FSTL5: variants seen among roughly 807,000 people sequenced by gnomAD.
The protein encoded by FSTL5 is follistatin-related protein 5.
Under a neutral mutation model 89.1 loss-of-function variants are expected in FSTL5, and 62 were observed. The observed-to-expected ratio is 0.70, with a 90% CI of 0.57 to 0.86. FSTL5 has a LOEUF of 0.86. Ranked by LOEUF, FSTL5 falls within the 40% of genes least tolerant of loss-of-function variation. The probability of loss-of-function intolerance (pLI) is 0.00; values close to 1 mark genes in which losing one functional copy is unlikely to be tolerated. For missense variants in FSTL5, 1,057 were observed against 1,001.6 expected (o/e 1.06, Z -0.75); for synonymous variants, 383 against 346.2 (o/e 1.11, Z -1.18).
chr4:161,657,258 T>C (rs192206766), intron 6 of FSTL5, among the ~76,000 whole-genome samples: 26 of 152,342 alleles, frequency 1.7e-4, no homozygotes, highest in Non-Finnish European at 2.9e-4. Context: ...TCAATTTTCA[T>C]GAGAGATGAC....
intron 1 of FSTL5, among the ~76,000 whole-genome samples, chr4:162,158,109 G>A (rs1561051549): frequency 6.6e-6 from 1 of 152,004 alleles, no homozygotes; most frequent in Non-Finnish European, 1.5e-5. Context: ...GTAATCTGAA[G>A]GATTACGTAT....
intron 15 of FSTL5, among the ~76,000 whole-genome samples, chr4:161,405,048 T>C (rs898690292): frequency 2.6e-5 from 4 of 151,946 alleles, no homozygotes; most frequent in African/African-American, 9.7e-5. Context: ...CTGACCAACA[T>C]GGTGAAACCC....
chr4:161,865,561 A>G (rs1448990229), intron 4 of FSTL5, among the ~76,000 whole-genome samples: 2 of 152,204 alleles, frequency 1.3e-5, no homozygotes, highest in Non-Finnish European at 2.9e-5. Flanking sequence ...GATGTCAGAA[A>G]AATCATGATA....
At chr4:162,040,407 T>C (rs181408873) in intron 2 of FSTL5, among the ~76,000 whole-genome samples, 1 of 152,164 alleles carries the variant, frequency 6.6e-6, no homozygotes, top group African/African-American at 2.4e-5. Flanking sequence ...TGAATACTCA[T>C]GAACATGTGA....
chr4:161,629,385 C>G (rs1163444213), intron 7 of FSTL5, among the ~76,000 whole-genome samples: 7 of 152,092 alleles, frequency 4.6e-5, no homozygotes, highest in Non-Finnish European at 1.0e-4. Flanking sequence ...TCTTGTCACC[C>G]AGGCTGGAGT....
At chr4:161,579,483 C>T (rs931689395) in intron 8 of FSTL5, among the ~76,000 whole-genome samples, 4 of 151,826 alleles carry the variant, frequency 2.6e-5, no homozygotes, top group Admixed American at 2.0e-4. Flanking sequence ...TTTGGGAAGC[C>T]GAGGTGGGCA....
intron 10 of FSTL5, among the ~76,000 whole-genome samples, chr4:161,514,438 A>G (rs1349162637): frequency 1.3e-5 from 2 of 152,174 alleles, no homozygotes; most frequent in Non-Finnish European, 2.9e-5. Context: ...CATGGACATA[A>G]AAAAGAAACA....
At chr4:162,006,528 A>T (rs1033776205) in intron 3 of FSTL5, among the ~76,000 whole-genome samples, 28 of 152,054 alleles carry the variant, frequency 1.8e-4, no homozygotes, top group Non-Finnish European at 1.5e-4. Context: ...AGGTAAAACA[A>T]ATTTGTCATT....
intron 15 of FSTL5, among the ~76,000 whole-genome samples, chr4:161,408,128 G>A (rs78884410): frequency 0.012 from 1,805 of 152,222 alleles, 42 homozygotes; most frequent in African/African-American, 0.041. Flanking sequence ...TGGCATTGGA[G>A]GTGGCTTTCC....
At chr4:162,145,348 T>C (rs1434693954) in intron 1 of FSTL5, among the ~76,000 whole-genome samples, 1 of 152,070 alleles carries the variant, frequency 6.6e-6, no homozygotes, top group East Asian at 1.9e-4. Context: ...AGAAATACAA[T>C]TCTATTTTCA....
At chr4:161,400,880 T>C (rs775261830) in intron 15 of FSTL5, among the ~76,000 whole-genome samples, 9 of 152,150 alleles carry the variant, frequency 5.9e-5, no homozygotes, top group Non-Finnish European at 1.3e-4. Flanking sequence ...TCAGAGATCA[T>C]TTTTTATAGT....
chr4:161,814,796 C>T (rs1409858833), intron 4 of FSTL5, among the ~76,000 whole-genome samples: 2 of 152,000 alleles, frequency 1.3e-5, no homozygotes, highest in Non-Finnish European at 2.9e-5. Context: ...TATACTTTAT[C>T]CACTTTATAA....
At chr4:161,649,678 C>G (rs1002036634) in intron 7 of FSTL5, among the ~76,000 whole-genome samples, 4 of 152,172 alleles carry the variant, frequency 2.6e-5, no homozygotes, top group African/African-American at 9.7e-5. Flanking sequence ...AGTCATTCTT[C>G]TGTTCTTCCT....
At chr4:161,542,149 C>T (rs1325138036) in intron 9 of FSTL5, among the ~76,000 whole-genome samples, 4 of 151,896 alleles carry the variant, frequency 2.6e-5, no homozygotes, top group African/African-American at 4.8e-5. Flanking sequence ...TTGAAATCTT[C>T]TATAATATAT....
chr4:161,622,409 CAT>C (rs1735167785), intron 7 of FSTL5, among the ~76,000 whole-genome samples: 1 of 152,028 alleles, frequency 6.6e-6, no homozygotes, highest in Non-Finnish European at 1.5e-5. Context: ...GACGTAAAAA[CAT>C]AACAAACACA....
At position 162,000,762 on chromosome 4, in the gene FSTL5, A is replaced by G. The variant is rs539007530; in HGVS notation, c.160+32863T>C. 1.6e-3 allele frequency among the ~76,000 whole-genome samples: 249 copies of G among 152,252 alleles called. 1 individual carries two copies. The highest frequency in any genetic ancestry group is 2.5e-3 in the Non-Finnish European group (172 of 68,002). Reference sequence around the variant, plus strand: ...AAGTTGTATTACTAAAAGAAATGCTAGTATCTTCTGCAACAAGGTCATAAT... The same window carrying G: ...AAGTTGTATTACTAAAAGAAATGCTGGTATCTTCTGCAACAAGGTCATAAT... On this transcript the variant is annotated intron_variant, in intron 3 of 15. Transcript: ENST00000306100.
chr4:162,055,465 G>A (rs951915385), intron 2 of FSTL5, among the ~76,000 whole-genome samples: 3 of 151,330 alleles, frequency 2.0e-5, no homozygotes, highest in African/African-American at 7.3e-5. Flanking sequence ...AGTACTGAAA[G>A]ACATTTAAAA....
chr4:161,675,351 CTATT>C (rs752911470), intron 6 of FSTL5, among the ~76,000 whole-genome samples: 1 of 151,524 alleles, frequency 6.6e-6, no homozygotes, highest in Admixed American at 6.6e-5. Flanking sequence ...AGCTTATATT[CTATT>C]TATTTTCAAA....
At chr4:161,688,706 T>C (rs1737825121) in intron 6 of FSTL5, among the ~76,000 whole-genome samples, 1 of 152,144 alleles carries the variant, frequency 6.6e-6, no homozygotes. Flanking sequence ...TATGTTTTTA[T>C]GGATAAGTTA....
Sources: gnomAD v4.1 joint callset for allele counts (sites outside exome capture counted in the v4.1 genomes callset) on GRCh38, gnomAD v4.1.1 for gene constraint, MANE v1.5 for transcripts, NCBI Gene and HGNC (gene_info 2026-07-23, HGNC 2026-07-21) for gene names.